Variants in RNGTT observed in about 807,000 individuals in gnomAD.
RNGTT encodes the protein RNA guanylyltransferase and 5'-phosphatase.
In RNGTT, 33 loss-of-function variants were observed where a neutral mutation model predicts 79.3. The ratio of observed to expected loss-of-function variants is 0.42; its 90% CI spans 0.32 to 0.56. RNGTT has a LOEUF of 0.56. RNGTT is among the 20% of genes least tolerant of loss of function. RNGTT has a pLI of 0.17. For synonymous variants in RNGTT, 222 were observed against 235.9 expected (o/e 0.94, Z 0.54); for missense variants, 497 against 739.1 (o/e 0.67, Z 3.80).
chr6:88,927,162 A>G (rs1784346379), intron 4 of RNGTT, among the ~76,000 whole-genome samples: 1 of 152,242 alleles, frequency 6.6e-6, no homozygotes, highest in African/African-American at 2.4e-5. Flanking sequence ...AATTTACATC[A>G]TCTAGCCCTA....
intron 13 of RNGTT, among the ~76,000 whole-genome samples, chr6:88,710,164 G>A (rs906722160): frequency 2.0e-5 from 3 of 152,180 alleles, no homozygotes; most frequent in Non-Finnish European, 2.9e-5. Context: ...GGAAGCTGAG[G>A]CTGGAGGATC....
chr6:88,868,276 A>G lies in RNGTT; in HGVS notation c.897-14512T>C, dbSNP rs1235781398. ...GATCTCCCATTTTAATAGCCTCCTA[A>G]GAACAATTCAAGGAGTGGGAGTTGA... On this transcript the variant is annotated intron_variant, in intron 8 of 15. Transcript: ENST00000369485. 5.3e-5 allele frequency among the ~76,000 whole-genome samples: 8 copies of G among 152,224 alleles called. 1 individual carries two copies. The highest frequency in any genetic ancestry group is 5.2e-4 in the Admixed American group (8 of 15,282).
At chr6:88,663,155 AAG>A (rs1184359455) in intron 14 of RNGTT, among the ~76,000 whole-genome samples, 1 of 152,054 alleles carries the variant, frequency 6.6e-6, no homozygotes, top group Non-Finnish European at 1.5e-5. Context: ...CCTTTGTGGT[AAG>A]AGTGTTGTTT....
chr6:88,660,151 T>C (rs1185085207), intron 14 of RNGTT, among the ~76,000 whole-genome samples: 2 of 152,072 alleles, frequency 1.3e-5, no homozygotes, highest in East Asian at 3.8e-4. Flanking sequence ...GCTAAAAAAG[T>C]TCTAAATCTT....
chr6:88,718,105 G>A (rs1776582339), intron 13 of RNGTT, among the ~76,000 whole-genome samples: 1 of 152,122 alleles, frequency 6.6e-6, no homozygotes, highest in Non-Finnish European at 1.5e-5. Flanking sequence ...TTTAAGTACT[G>A]TTTATAGCTA....
chr6:88,622,462 A>T (rs1034459247), intron 14 of RNGTT, among the ~76,000 whole-genome samples: 11 of 151,992 alleles, frequency 7.2e-5, no homozygotes, highest in African/African-American at 2.7e-4. Context: ...TTTGTCAATG[A>T]CCTCTGTTGC....
chr6:88,748,247 T>C (rs1777729144), intron 13 of RNGTT, among the ~76,000 whole-genome samples: 1 of 150,078 alleles, frequency 6.7e-6, no homozygotes, highest in South Asian at 2.1e-4. Context: ...CCTCAGAGTA[T>C]GAGCTGAAGC....
intron 13 of RNGTT, among the ~76,000 whole-genome samples, chr6:88,713,235 C>T (rs760973718): frequency 1.7e-4 from 26 of 152,004 alleles, no homozygotes; most frequent in Non-Finnish European, 3.2e-4. Flanking sequence ...TTTCTCTCTG[C>T]CATGTGAGGG....
intron 13 of RNGTT, among the ~76,000 whole-genome samples, chr6:88,728,633 G>A (rs1562220871): frequency 6.6e-6 from 1 of 152,088 alleles, no homozygotes; most frequent in African/African-American, 2.4e-5. Context: ...TTTCTAAGTT[G>A]GTTCCCTTCT....
chr6:88,723,253 G>T (rs1445149347), intron 13 of RNGTT, among the ~76,000 whole-genome samples: 1 of 152,220 alleles, frequency 6.6e-6, no homozygotes, highest in African/African-American at 2.4e-5. Context: ...TAATGTGTGT[G>T]TTTGTGTCTT....
intron 14 of RNGTT, among the ~76,000 whole-genome samples, chr6:88,636,837 C>A (rs1234265687): frequency 6.6e-6 from 1 of 151,460 alleles, no homozygotes. Flanking sequence ...AGTTTAAGGA[C>A]AATTCTATCT....
At chr6:88,695,165 T>C (rs1039662706) in intron 13 of RNGTT, among the ~76,000 whole-genome samples, 1 of 152,060 alleles carries the variant, frequency 6.6e-6, no homozygotes, top group Non-Finnish European at 1.5e-5. Flanking sequence ...AATAGACAAA[T>C]GGATTTACAT....
At chr6:88,784,812 CA>C (rs1313966063) in intron 12 of RNGTT, among the ~76,000 whole-genome samples, 1 of 151,954 alleles carries the variant, frequency 6.6e-6, no homozygotes, top group Non-Finnish European at 1.5e-5. Flanking sequence ...AGAGCGCTAA[CA>C]AAATAGACAT....
intron 14 of RNGTT, among the ~76,000 whole-genome samples, chr6:88,653,202 G>A (rs1773858870): frequency 6.6e-6 from 1 of 152,274 alleles, no homozygotes; most frequent in East Asian, 1.9e-4. Flanking sequence ...GAGGTCCACT[G>A]ACTGCACTGT....
rs765845912 is a variant in RNGTT at position 88,770,478 on chromosome 6, T to C, written c.1339-604A>G. Among the ~76,000 whole-genome samples the C allele has an allele frequency of 3.5e-4, 53 of 152,238 alleles. 1 individual carries two copies. Among genetic ancestry groups the C allele is most frequent in the Non-Finnish European group, 5.9e-4 (40 of 68,036 alleles). The stretch of plus-strand genomic sequence containing the variant: ...TCTATCCTGGTGCATATACTAGTAG[T>C]ATGTTCCTTTTCATTGCTGACTAGG... On this transcript the variant is annotated intron_variant, in intron 12 of 15. Transcript: ENST00000369485.
At chr6:88,776,466 T>A (rs1778885857) in intron 12 of RNGTT, among the ~76,000 whole-genome samples, 1 of 151,980 alleles carries the variant, frequency 6.6e-6, no homozygotes. Flanking sequence ...ATTACAGGCA[T>A]GTGCCAGCAG....
intron 14 of RNGTT, among the ~76,000 whole-genome samples, chr6:88,633,754 A>G (rs1772993155): frequency 6.6e-6 from 1 of 152,198 alleles, no homozygotes; most frequent in African/African-American, 2.4e-5. Context: ...TGGCCAAATC[A>G]TAAGGGTAAT....
intron 14 of RNGTT, among the ~76,000 whole-genome samples, chr6:88,627,005 C>T (rs899805962): frequency 1.3e-5 from 2 of 151,862 alleles, no homozygotes; most frequent in South Asian, 2.1e-4. Context: ...ATAATAAAAT[C>T]GATATACAAC....
At chr6:88,805,241 G>C (rs1440400941) in intron 11 of RNGTT, among the ~76,000 whole-genome samples, 1 of 152,286 alleles carries the variant, frequency 6.6e-6, no homozygotes, top group South Asian at 2.1e-4. Flanking sequence ...AGAGGAAGTG[G>C]CAGCCATAAG....
Sources: gnomAD v4.1 joint callset for allele counts (sites outside exome capture counted in the v4.1 genomes callset) on GRCh38, gnomAD v4.1.1 for gene constraint, MANE v1.5 for transcripts, NCBI Gene and HGNC (gene_info 2026-07-23, HGNC 2026-07-21) for gene names.